Variants in NFX1 observed in about 807,000 individuals in gnomAD.
The protein encoded by NFX1 is nuclear transcription factor, X-box binding 1.
Under a neutral mutation model 137.2 loss-of-function variants are expected in NFX1, and 69 were observed. The observed-to-expected ratio is 0.50, with a 90% CI of 0.41 to 0.61. The LOEUF (loss-of-function observed/expected upper bound fraction) is 0.61. Ranked by LOEUF, NFX1 falls within the 20% of genes least tolerant of loss-of-function variation. NFX1 has a pLI of 0.00. For missense variants in NFX1, 1,167 were observed against 1,391.0 expected, an observed-to-expected ratio of 0.84 and a Z score of 2.56; for synonymous variants, 495 against 474.1, an observed-to-expected ratio of 1.04 and a Z score of -0.57.
intron 2 of NFX1, among the ~76,000 whole-genome samples, chr9:33,300,482 T>C (rs1259794114): frequency 6.6e-6 from 1 of 152,182 alleles, no homozygotes; most frequent in Non-Finnish European, 1.5e-5. Context: ...AATAATATTA[T>C]GAAATAAATG....
chr9:33,343,091 C>T (rs1244277745), intron 13 of NFX1, among the ~76,000 whole-genome samples: 1 of 152,090 alleles, frequency 6.6e-6, no homozygotes, highest in Non-Finnish European at 1.5e-5. Flanking sequence ...TAATAGATTC[C>T]TTCTCTGCTA....
At chr9:33,361,664 T>G (rs546623937) in intron 19 of NFX1, among the ~76,000 whole-genome samples, 133 of 151,836 alleles carry the variant, frequency 8.8e-4, no homozygotes, top group Non-Finnish European at 4.6e-4. Context: ...TCCCAGCTAC[T>G]CGGGAGGCTG....
At chr9:33,293,890 C>T (rs780931078) in intron 1 of NFX1, among the ~76,000 whole-genome samples, 23 of 152,086 alleles carry the variant, frequency 1.5e-4, no homozygotes, top group Admixed American at 4.6e-4. Context: ...TCTCAGTAAC[C>T]GTTGAAATAA....
intron 19 of NFX1, among the ~76,000 whole-genome samples, chr9:33,355,964 C>T (rs1823796965): frequency 6.6e-6 from 1 of 152,078 alleles, no homozygotes. Context: ...CTTAAACTTG[C>T]TTGCTCTATA....
chr9:33,301,189 C>A, intron 2 of NFX1, 74 bp from the exon 3 acceptor site: 1 of 1,335,066 alleles, frequency 7.5e-7, no homozygotes, highest in Non-Finnish European at 1.0e-6. Context: ...ACTTGCTGAT[C>A]CTTGGTTGAT....
At chr9:33,362,691 G>GTTTTTTTTTTTTTTTTTTTTTTTTT (rs1564150161) in intron 19 of NFX1, among the ~76,000 whole-genome samples, 1 of 138,768 alleles carries the variant, frequency 7.2e-6, no homozygotes, top group Non-Finnish European at 1.5e-5. Flanking sequence ...AAGTTCCTGT[G>GTTTTTTTTTTTTTTTTTTTTTTTTT]GTTTTTTTTT....
At chr9:33,315,931 G>T (rs908190876) in intron 7 of NFX1, among the ~76,000 whole-genome samples, 1 of 151,198 alleles carries the variant, frequency 6.6e-6, no homozygotes, top group African/African-American at 2.4e-5. Context: ...AACAATGCCA[G>T]TCTTTTTGTG....
chr9:33,353,278 C>G (rs1325427017), intron 17 of NFX1, among the ~76,000 whole-genome samples: 1 of 152,230 alleles, frequency 6.6e-6, no homozygotes, highest in African/African-American at 2.4e-5. Context: ...TTGTCATTGA[C>G]ACAGCCAGGG....
intron 1 of NFX1, 151 bp from the exon 2 acceptor site, chr9:33,294,269 C>T: frequency 1.4e-6 from 1 of 705,684 alleles, no homozygotes; most frequent in Non-Finnish European, 2.3e-6. Flanking sequence ...CACCTTGAAC[C>T]CATCACCTTC....
In NFX1 at chr9:33,347,122, G is replaced by A; in HGVS notation, c.2424+5G>A. On this transcript the variant is annotated splice_donor_5th_base_variant and intron_variant, in intron 15 of 23. Coordinates refer to ENST00000379540, the MANE Select transcript of NFX1 (RefSeq NM_002504.6). The stretch of plus-strand genomic sequence containing the variant: ...TGGTGCATGGGCAAGCATGAGGTAA[G>A]TTTTCTCTCTCAAGTGCTCATTGTT... The A allele has an allele frequency of 6.2e-7, 1 of 1,608,866 alleles. No individual in the cohort carries two copies. The highest frequency in any genetic ancestry group is 8.5e-7 in the Non-Finnish European group (1 of 1,175,684).
chr9:33,310,990 G>T, intron 5 of NFX1, 116 bp from the exon 6 acceptor site: 1 of 824,840 alleles, frequency 1.2e-6, no homozygotes, highest in Non-Finnish European at 2.0e-6. Flanking sequence ...CAAATACAAA[G>T]ACATGTCATA....
intron 11 of NFX1, among the ~76,000 whole-genome samples, chr9:33,335,737 C>T (rs956908968): frequency 1.3e-5 from 2 of 152,274 alleles, no homozygotes; most frequent in Non-Finnish European, 2.9e-5. Context: ...AACCACTGAT[C>T]TGCTTTCTAT....
intron 11 of NFX1, among the ~76,000 whole-genome samples, chr9:33,334,350 G>T (rs534019262): frequency 6.6e-6 from 1 of 152,088 alleles, no homozygotes; most frequent in Non-Finnish European, 1.5e-5. Context: ...CTAGATACTC[G>T]GGAGGCTGAG....
chr9:33,344,009 A>G (rs1216233577), intron 13 of NFX1, 60 bp from the exon 14 acceptor site: 6 of 1,608,438 alleles, frequency 3.7e-6, no homozygotes, highest in Admixed American at 3.3e-5. Context: ...GTGTGTTAGT[A>G]TGTACTTGCA....
At chr9:33,290,786 T>C (rs905155535) in intron 1 of NFX1, among the ~76,000 whole-genome samples, 189 bp downstream of exon 1, 10 of 152,254 alleles carry the variant, frequency 6.6e-5, no homozygotes, top group Admixed American at 1.3e-4. Context: ...GACTAGATGG[T>C]GAAGCCCAGT....
At chr9:33,342,902 C>G (rs751044704) in intron 13 of NFX1, 48 bp downstream of exon 13, 1 of 1,219,518 alleles carries the variant, frequency 8.2e-7, no homozygotes, top group East Asian at 2.4e-5. Flanking sequence ...TTTAGAAATT[C>G]AGACATAATA....
At chr9:33,330,497 A>T (rs1275614970) in intron 10 of NFX1, among the ~76,000 whole-genome samples, 1 of 152,210 alleles carries the variant, frequency 6.6e-6, no homozygotes, top group Non-Finnish European at 1.5e-5. Flanking sequence ...CAGGTATGGG[A>T]CCACTTTTGT....
intron 9 of NFX1, among the ~76,000 whole-genome samples, chr9:33,323,829 TAAAG>T (rs879505499): frequency 3.8e-4 from 57 of 150,198 alleles, no homozygotes; most frequent in Non-Finnish European, 7.1e-4. Flanking sequence ...CTTAAAGAGG[TAAAG>T]AAAGATGTGA....
rs756757277 is a variant in NFX1 at position 33,294,798 on chromosome 9, A to G, written c.404A>G (p.Glu135Gly). ...CAGACCTCAGATACAGCTGGATTAG[A>G]GAGCTCGACCAGATCAGAGAGTGGG... ...AEQTSDTAGL[E>G]SSTRSESGTD... The change falls in exon 2 of 24, where the codon GAG becomes GGG. Residue 135 changes from glutamate (E) to glycine (G), a missense_variant. This residue lies in a region of NFX1 where 367 missense variants were observed against 386.7 expected (regional missense o/e 0.95). Transcript: ENST00000379540. 5.0e-6 allele frequency: 8 copies of G among 1,614,012 alleles called. No individual in the cohort carries two copies. The highest frequency in any genetic ancestry group is 6.8e-6 in the Non-Finnish European group (8 of 1,180,044).
Sources: gnomAD v4.1 joint callset for allele counts (sites outside exome capture counted in the v4.1 genomes callset) on GRCh38, gnomAD v4.1.1 for gene constraint, gnomAD v4.1.1 regional missense constraint, MANE v1.5 for transcripts, NCBI Gene and HGNC (gene_info 2026-07-23, HGNC 2026-07-21) for gene names.